ARL6IP5: variants seen among roughly 807,000 people sequenced by gnomAD.
ARL6IP5 encodes the protein ARF like GTPase 6 interacting protein 5.
A neutral mutation model predicts 13.0 loss-of-function variants in ARL6IP5; 6 were observed. The ratio of observed to expected loss-of-function variants is 0.46; its 90% CI spans 0.25 to 0.91. The LOEUF (loss-of-function observed/expected upper bound fraction) is 0.91. Ranked by LOEUF, ARL6IP5 falls within the 40% of genes least tolerant of loss-of-function variation. ARL6IP5 has a pLI of 0.17. For synonymous variants in ARL6IP5, 91 were observed against 91.9 expected, an observed-to-expected ratio of 0.99 and a Z score of 0.06; for missense variants, 208 against 248.8, an observed-to-expected ratio of 0.84 and a Z score of 1.10.
chr3:69,099,178 C>A (rs931762873), intron 1 of ARL6IP5, among the ~76,000 whole-genome samples: 2 of 148,966 alleles, frequency 1.3e-5, no homozygotes, highest in African/African-American at 5.0e-5. Context: ...CGAGACCAGC[C>A]TGGCCAACAT....
chr3:69,102,156 A>G lies in ARL6IP5; in HGVS notation c.394+100A>G, dbSNP rs571618425. On this transcript the variant is annotated intron_variant, in intron 2 of 2. Transcript: ENST00000273258. ...CATTTCTTATATGTGTTGGCATGTC[A>G]GCAAAAGTGTCAGAATTTTCTAAAA... 7.6e-6 allele frequency: 10 copies of G among 1,309,984 alleles called. No individual in the cohort carries two copies. In the South Asian group the frequency reaches 1.3e-4, roughly 17 times the overall value. 81.1% of individuals were successfully genotyped at this position (1,309,984 alleles called of 1,614,324 possible).
chr3:69,092,925 C>T (rs532059168), intron 1 of ARL6IP5, among the ~76,000 whole-genome samples: 1 of 151,704 alleles, frequency 6.6e-6, no homozygotes, highest in East Asian at 1.9e-4. Context: ...TAAGAGTAAC[C>T]ATGGGTTGCT....
Position 69,099,641 on chromosome 3 carries a change from A to C in ARL6IP5, c.177-2198A>C, listed in dbSNP as rs1304346096. Among the ~76,000 whole-genome samples the C allele has an allele frequency of 2.0e-5, 3 of 152,336 alleles. No individual in the cohort carries two copies. The East Asian group carries it at 5.8e-4, about 29-fold the overall frequency. On this transcript the variant is annotated intron_variant, in intron 1 of 2. Coordinates refer to ENST00000273258, the MANE Select transcript of ARL6IP5 (RefSeq NM_006407.4). ...GAATACGAATCCCAATATGAGCATG[A>C]GTTCTTCATCTCTTCCATTTCAGAG...
Position 69,101,915 on chromosome 3 carries a change from C to T in ARL6IP5, c.253C>T (p.His85Tyr), listed in dbSNP as rs371635297. 6.2e-6 allele frequency: 10 copies of T among 1,613,900 alleles called. No individual in the cohort carries two copies. The highest frequency in any genetic ancestry group is 8.5e-6 in the Non-Finnish European group (10 of 1,180,032). Residue 85 changes from histidine to tyrosine, a missense_variant, in exon 2 of 3, where the codon CAC becomes TAC. Physicochemically the swap from His to Tyr is moderately conservative, Grantham distance 83 (BLOSUM62 2). Coordinates refer to ENST00000273258, the MANE Select transcript of ARL6IP5 (RefSeq NM_006407.4). ...GTTCACAGGGTTTGTGTGGGCAGCC[C>T]ACAATAAAGACGTCCTTCGCCGGAT... The part of the protein sequence containing the change: ...LVFTGFVWAA[H>Y]NKDVLRRMKK...
At chr3:69,100,144 C>A (rs1043063366) in intron 1 of ARL6IP5, 1 of 152,200 alleles carries the variant, frequency 6.6e-6, no homozygotes, top group Non-Finnish European at 1.5e-5. Context: ...CCAGGCTGGC[C>A]TTGAACTCTT....
chr3:69,091,729 A>G (rs1268034550), intron 1 of ARL6IP5, among the ~76,000 whole-genome samples: 2 of 127,122 alleles, frequency 1.6e-5, no homozygotes, highest in Non-Finnish European at 3.2e-5. Flanking sequence ...TCCTTTCCCT[A>G]GGTAAGGATT....
intron 1 of ARL6IP5, among the ~76,000 whole-genome samples, chr3:69,099,435 A>T (rs1002905561): frequency 4.6e-5 from 7 of 152,204 alleles, no homozygotes; most frequent in African/African-American, 1.7e-4. Context: ...GTGCATCTTA[A>T]TAGAAATTTT....
At chr3:69,089,829 C>T (rs1422870616) in intron 1 of ARL6IP5, 2 of 456,544 alleles carry the variant, frequency 4.4e-6, no homozygotes, top group Non-Finnish European at 8.8e-6. Flanking sequence ...CATGTAGCTG[C>T]TGAAGGAATG....
intron 1 of ARL6IP5, among the ~76,000 whole-genome samples, chr3:69,098,996 GA>G (rs1487943150): frequency 6.6e-5 from 10 of 152,024 alleles, no homozygotes; most frequent in Non-Finnish European, 1.0e-4. Context: ...TTATTGGCTT[GA>G]AGGATACAAG....
At position 69,084,977 on chromosome 3, in the gene ARL6IP5, T is replaced by C; in HGVS notation, c.-71T>C. 6.4e-7 allele frequency: 1 copy of C among 1,565,624 alleles called. No individual in the cohort carries two copies. ...ACGGAGCCGCTGTCAACTCTCCAAC[T>C]CAGCTCAGCTGATCGGTTGCCGCCG... is the stretch of plus-strand genomic sequence containing the variant. On this transcript the variant is annotated 5_prime_UTR_variant, in exon 1 of 3. Coordinates refer to ENST00000273258, the MANE Select transcript of ARL6IP5 (RefSeq NM_006407.4).
chr3:69,101,993 T>C lies in ARL6IP5; in HGVS notation c.331T>C (p.Phe111Leu), dbSNP rs769822654. The C allele has an allele frequency of 6.2e-7, 1 of 1,614,118 alleles. No individual in the cohort carries two copies. The highest frequency in any genetic ancestry group is 8.5e-7 in the Non-Finnish European group (1 of 1,180,012). Residue 111 changes from phenylalanine to leucine, a missense_variant, in exon 2 of 3, where the codon TTC becomes CTC. Phe to Leu is a conservative substitution (Grantham distance 22). Transcript: ENST00000273258. ...FVMVVMLASY[F>L]LISMFGGVMV... ...TATGGTGGTCATGTTGGCGAGCTATTTCCTTATCTCCATGTTTGGAGGAGT... is the reference window on the plus strand; with the variant it reads ...TATGGTGGTCATGTTGGCGAGCTATCTCCTTATCTCCATGTTTGGAGGAGT...
At chr3:69,095,600 T>G (rs1185428266) in intron 1 of ARL6IP5, among the ~76,000 whole-genome samples, 1 of 151,852 alleles carries the variant, frequency 6.6e-6, no homozygotes. Context: ...GTTCAAGTGA[T>G]TCTCGTGTCT....
intron 1 of ARL6IP5, among the ~76,000 whole-genome samples, chr3:69,097,622 G>A (rs866613366): frequency 6.6e-5 from 10 of 152,144 alleles, no homozygotes; most frequent in African/African-American, 2.4e-4. Context: ...GCGTATAAGG[G>A]AATTTTTTCT....
At position 69,085,008 on chromosome 3, in the gene ARL6IP5, G is replaced by A; in HGVS notation, c.-40G>A. On this transcript the variant is annotated 5_prime_UTR_variant, in exon 1 of 3. Transcript: ENST00000273258. ...CAGCTGATCGGTTGCCGCCGCCGCC[G>A]CCGCCAGATTCTGGAGGCGAAGAAC... 1 of 1,597,578 alleles carries A rather than the reference G, an allele frequency of 6.3e-7. No individual in the cohort carries two copies. Among genetic ancestry groups the A allele is most frequent in the Non-Finnish European group, 8.5e-7 (1 of 1,171,754 alleles).
Position 69,104,465 on chromosome 3 carries a change from G to C in ARL6IP5, c.396G>C (p.Leu132Phe), listed in dbSNP as rs1254011962. 17 of 1,612,924 alleles carry C rather than the reference G, an allele frequency of 1.1e-5. No individual in the cohort carries two copies. Among genetic ancestry groups the C allele is most frequent in the Non-Finnish European group, 1.4e-5 (17 of 1,179,438 alleles). ...FVFGITFPLL[L>F]MFIHASLRLR... The stretch of plus-strand genomic sequence containing the variant: ...TAACCAGGTGTCCCTTCTCTGCAGT[G>C]ATGTTTATCCATGCATCGTTGAGAC... Residue 132 changes from leucine (L) to phenylalanine (F), a missense_variant and splice_region_variant, in exon 3 of 3, where the codon TTG becomes TTC. Transcript: ENST00000273258.
intron 1 of ARL6IP5, among the ~76,000 whole-genome samples, chr3:69,095,648 C>G (rs930246049): frequency 2.0e-5 from 3 of 152,114 alleles, no homozygotes; most frequent in Non-Finnish European, 4.4e-5. Context: ...GCATGCGCCA[C>G]CACGCCCAGC....
At chr3:69,096,071 A>G (rs1385770215) in intron 1 of ARL6IP5, among the ~76,000 whole-genome samples, 3 of 152,200 alleles carry the variant, frequency 2.0e-5, no homozygotes, top group East Asian at 3.8e-4. Flanking sequence ...TTCCAAATAC[A>G]GGTAAGTGCC....
intron 2 of ARL6IP5, among the ~76,000 whole-genome samples, chr3:69,103,470 T>C (rs1035577828): frequency 6.6e-6 from 1 of 152,176 alleles, no homozygotes; most frequent in Non-Finnish European, 1.5e-5. Flanking sequence ...TTTAAAAATA[T>C]ACATTTCCCA....
chr3:69,103,245 AC>A (rs1305922846), intron 2 of ARL6IP5, among the ~76,000 whole-genome samples: 10 of 152,188 alleles, frequency 6.6e-5, no homozygotes, highest in African/African-American at 2.4e-4. Flanking sequence ...TAATTTTAAT[AC>A]CTTTCCACAT....
Sources: gnomAD v4.1 joint callset for allele counts (sites outside exome capture counted in the v4.1 genomes callset) on GRCh38, gnomAD v4.1.1 for gene constraint, MANE v1.5 for transcripts, NCBI Gene and HGNC (gene_info 2026-07-23, HGNC 2026-07-21) for gene names.